TRIM22: variants seen among roughly 807,000 people sequenced by gnomAD.
TRIM22 encodes the protein E3 ubiquitin-protein ligase TRIM22.
Under a neutral mutation model 53.6 loss-of-function variants are expected in TRIM22, and 45 were observed. The ratio of observed to expected loss-of-function variants is 0.84; its 90% CI spans 0.66 to 1.08. The LOEUF (loss-of-function observed/expected upper bound fraction) is 1.08. Among genes scored for constraint, TRIM22 ranks in the 50% least tolerant of loss-of-function variants. TRIM22 has a pLI of 0.00. For missense variants in TRIM22, 616 were observed against 590.9 expected, an observed-to-expected ratio of 1.04 and a Z score of -0.44; for synonymous variants, 225 against 216.6, an observed-to-expected ratio of 1.04 and a Z score of -0.34.
chr11:5,700,273 G>A (rs982867015), intron 4 of TRIM22, among the ~76,000 whole-genome samples: 2 of 151,786 alleles, frequency 1.3e-5, no homozygotes, highest in Non-Finnish European at 2.9e-5. Context: ...CGCCACACCT[G>A]GCTACATTTT....
rs1032329997 is a variant in TRIM22, at chr11:5,693,654, G to A, written c.-66-2513G>A. Among the ~76,000 whole-genome samples the A allele has an allele frequency of 7.4e-5, 11 of 148,634 alleles. No homozygotes were observed. In the South Asian group the frequency reaches 1.7e-3, roughly 23 times the overall value. On this transcript the variant is annotated intron_variant, in intron 1 of 7. Coordinates refer to ENST00000379965, the MANE Select transcript of TRIM22 (RefSeq NM_006074.5). ...GGAGAATGGCGTGAACCCGAGAGGC[G>A]GAGCTGGCAAGGAGCCGAGATCGCA...
intron 4 of TRIM22, among the ~76,000 whole-genome samples, chr11:5,699,530 C>CAAAAAAAAAAAA (rs71053298): frequency 7.0e-5 from 2 of 28,544 alleles, no homozygotes; most frequent in African/African-American, 1.9e-4. Context: ...GACTCCGTCT[C>CAAAAAAAAAAAA]AAAAAAAAAA....
At chr11:5,692,876 C>CTTTTTTTTTTTTT (rs376485434) in intron 1 of TRIM22, among the ~76,000 whole-genome samples, 2 of 132,918 alleles carry the variant, frequency 1.5e-5, no homozygotes, top group Non-Finnish European at 1.6e-5. Context: ...TTAATTTAAT[C>CTTTTTTTTTTTTT]TTTTTTTTTT....
intron 1 of TRIM22, 142 bp downstream of exon 1, chr11:5,690,041 G>C (rs1350347252): frequency 2.0e-5 from 3 of 152,270 alleles, no homozygotes; most frequent in African/African-American, 7.2e-5. Flanking sequence ...CTGCTGAGAT[G>C]GCAGAGGAAG....
At chr11:5,694,929 T>C (rs1381509788) in intron 1 of TRIM22, among the ~76,000 whole-genome samples, 3 of 152,132 alleles carry the variant, frequency 2.0e-5, no homozygotes, top group Non-Finnish European at 4.4e-5. Flanking sequence ...AGGTCAGCTA[T>C]TGGGAAACTG....
chr11:5,696,148 T>C lies in TRIM22; in HGVS notation c.-66-19T>C. 1 of 1,261,468 alleles carries C rather than the reference T, an allele frequency of 7.9e-7. No homozygotes were observed. Among genetic ancestry groups the C allele is most frequent in the East Asian group, 2.3e-5 (1 of 43,020 alleles). 78.1% of individuals were successfully genotyped at this position (1,261,468 alleles called of 1,614,324 possible). On this transcript the variant is annotated intron_variant, in intron 1 of 7. Transcript: ENST00000379965. ...TTCTATTCCTTCTTTTCTTACCCTG[T>C]CCCCTTCAACATTCTCAGCACTGCA...
intron 1 of TRIM22, among the ~76,000 whole-genome samples, chr11:5,694,426 A>G (rs537870577): frequency 6.6e-6 from 1 of 152,362 alleles, no homozygotes; most frequent in East Asian, 1.9e-4. Context: ...TTCAACATTT[A>G]AAACCACAGC....
chr11:5,700,907 T>G (rs1044392021), intron 4 of TRIM22, among the ~76,000 whole-genome samples: 3 of 151,462 alleles, frequency 2.0e-5, no homozygotes, highest in African/African-American at 7.3e-5. Context: ...TTGCTGAGAC[T>G]TTTTATCATG....
rs770380822 is a variant in TRIM22, at chr11:5,696,499, G to A, written c.267G>A (p.Gln89=). The A allele has an allele frequency of 1.1e-5, 17 of 1,614,152 alleles. 1 individual carries two copies. The highest frequency in any genetic ancestry group is 9.3e-6 in the Non-Finnish European group (11 of 1,180,052). ...ERVKEVKMSP[Q]EGQKRDVCEH... ...TCAAAGAGGTCAAGATGAGCCCACA[G>A]GAGGGGCAGAAGAGAGATGTCTGTG... Residue 89 remains glutamine (Q), a synonymous_variant, in exon 2 of 8, where the codon CAG becomes CAA. Transcript: ENST00000379965.
intron 4 of TRIM22, 66 bp from the exon 5 acceptor site, chr11:5,706,528 C>T (rs1234907101): frequency 3.3e-5 from 50 of 1,522,208 alleles, no homozygotes; most frequent in Non-Finnish European, 4.1e-5. Context: ...TCTAATTGAA[C>T]TAGCCACTTT....
chr11:5,701,177 T>G (rs2880580), intron 4 of TRIM22, among the ~76,000 whole-genome samples: 88,849 of 151,868 alleles, frequency 0.59, 26,170 homozygotes, highest in Admixed American at 0.63. Context: ...TCTCATAATG[T>G]CTTTACTTGG....
intron 4 of TRIM22, among the ~76,000 whole-genome samples, chr11:5,699,890 G>A (rs1395883531): frequency 6.6e-6 from 1 of 151,140 alleles, no homozygotes; most frequent in East Asian, 1.9e-4. Context: ...TACTTTTGGT[G>A]CTATTGTAAT....
intron 4 of TRIM22, among the ~76,000 whole-genome samples, chr11:5,702,669 T>C (rs1200922237): frequency 6.6e-6 from 1 of 151,988 alleles, no homozygotes; most frequent in Admixed American, 6.6e-5. Flanking sequence ...AATCGCCCAC[T>C]ACATTGTTGA....
Position 5,709,080 on chromosome 11 carries a change from C to A in TRIM22, c.929C>A (p.Ala310Asp), listed in dbSNP as rs1339266537. The A allele has an allele frequency of 6.2e-6, 10 of 1,613,340 alleles. No individual in the cohort carries two copies. Among genetic ancestry groups the A allele is most frequent in the Non-Finnish European group, 7.6e-6 (9 of 1,179,356 alleles). Residue 310 changes from alanine (A) to aspartate (D), a missense_variant, in exon 8 of 8, where the codon GCC (alanine) becomes GAC (aspartate). By Grantham distance (126) the Ala-to-Asp change is moderately radical. Coordinates refer to ENST00000379965, the MANE Select transcript of TRIM22 (RefSeq NM_006074.5). ...WVDVMLNPGS[A>D]TSNVAISVDQ... ...GACGTGATGCTGAATCCAGGCAGTG[C>A]CACTTCGAATGTTGCTATTTCTGTG...
rs770623076 is a variant in TRIM22, at chr11:5,708,173, G to A, written c.774G>A (p.Arg258=). The A allele has an allele frequency of 2.5e-6, 4 of 1,611,902 alleles. No individual in the cohort carries two copies. The highest frequency in any genetic ancestry group is 2.5e-6 in the Non-Finnish European group (3 of 1,177,952). The change falls in exon 6 of 8, where the codon AGG becomes AGA. Residue 258 remains arginine (R), a splice_region_variant and synonymous_variant. Transcript: ENST00000379965. ...MLQDVIDVMK[R]SESWTLKKPK... is the part of the protein sequence containing the mutation. ...GGTTATCAATTTTTGTTATCACTAG[G>A]AGTGAAAGCTGGACATTGAAGAAGC... is the stretch of plus-strand genomic sequence containing the variant.
Position 5,698,310 on chromosome 11 carries a change from C to T in TRIM22, c.520-5C>T, listed in dbSNP as rs1236700159. On this transcript the variant is annotated splice_polypyrimidine_tract_variant and splice_region_variant and intron_variant, in intron 3 of 7. Coordinates refer to ENST00000379965, the MANE Select transcript of TRIM22 (RefSeq NM_006074.5). ...TGACTGCCTCTTTCTCTTTTCATTC[C>T]CAAGAATTATATCCAGATCGAGAGA... is the stretch of plus-strand genomic sequence containing the variant. 1.2e-6 allele frequency: 2 copies of T among 1,612,870 alleles called. No individual in the cohort carries two copies. The highest frequency in any genetic ancestry group is 3.3e-5 in the Admixed American group (2 of 60,018).
intron 3 of TRIM22, chr11:5,697,679 G>A (rs575196811): frequency 4.3e-4 from 107 of 249,124 alleles, no homozygotes; most frequent in African/African-American, 2.3e-3. Context: ...CCTGTTTAGG[G>A]GGTTTCAGTA....
At chr11:5,692,876 C>CTTTTTTTTTTTTTTTTTTTTT (rs376485434) in intron 1 of TRIM22, among the ~76,000 whole-genome samples, 6 of 132,918 alleles carry the variant, frequency 4.5e-5, no homozygotes, top group Non-Finnish European at 6.2e-5. Flanking sequence ...TTAATTTAAT[C>CTTTTTTTTTTTTTTTTTTTTT]TTTTTTTTTT....
rs1157685258 is a variant in TRIM22 at position 5,710,393 on chromosome 11, G to C, written c.*745G>C. On this transcript the variant is annotated 3_prime_UTR_variant, in exon 8 of 8. Coordinates refer to ENST00000379965, the MANE Select transcript of TRIM22 (RefSeq NM_006074.5). ...TAAAAGATTGAAGAAAGAGAAACTT[G>C]TCAACTCATATCCACGTTATCTAGC... 6.6e-6 allele frequency: 1 copy of C among 152,122 alleles called. No individual in the cohort carries two copies. Among genetic ancestry groups the C allele is most frequent in the Non-Finnish European group, 1.5e-5 (1 of 68,022 alleles). The allele number at this position is 152,122 out of a possible 1,614,324, so 9.4% of individuals were successfully genotyped here. A position where few individuals can be genotyped will look rare whatever the true frequency, so the allele number is the denominator to read the frequency against.
Sources: gnomAD v4.1 joint callset for allele counts (sites outside exome capture counted in the v4.1 genomes callset) on GRCh38, gnomAD v4.1.1 for gene constraint, MANE v1.5 for transcripts, NCBI Gene and HGNC (gene_info 2026-07-23, HGNC 2026-07-21) for gene names.